GALNT11: variants seen among roughly 807,000 people sequenced by gnomAD.
GALNT11 encodes the protein polypeptide N-acetylgalactosaminyltransferase 11, also known as UDP-GalNAc:polypeptide N-acetylgalactosaminyltransferase 11.
In GALNT11, 47 loss-of-function variants were observed where a neutral mutation model predicts 72.7. The observed-to-expected ratio is 0.65, with a 90% CI of 0.51 to 0.82. The LOEUF is 0.82. Among genes scored for constraint, GALNT11 ranks in the 40% least tolerant of loss-of-function variants. The pLI is 0.00. For missense variants in GALNT11, 677 were observed against 778.4 expected, an observed-to-expected ratio of 0.87 and a Z score of 1.55; for synonymous variants, 270 against 286.6, an observed-to-expected ratio of 0.94 and a Z score of 0.58.
At chr7:152,083,195 C>A (rs1025460006) in intron 1 of GALNT11, among the ~76,000 whole-genome samples, 4 of 152,040 alleles carry the variant, frequency 2.6e-5, no homozygotes, top group African/African-American at 9.7e-5. Flanking sequence ...AATCCAGTTT[C>A]TTTTCCTATA....
intron 1 of GALNT11, among the ~76,000 whole-genome samples, chr7:152,050,757 A>G (rs2083353324): frequency 6.6e-6 from 1 of 152,218 alleles, no homozygotes; most frequent in Non-Finnish European, 1.5e-5. Context: ...ATCCCAGAGC[A>G]GTTTAGCCCA....
At chr7:152,057,447 C>T (rs1191201728) in intron 1 of GALNT11, among the ~76,000 whole-genome samples, 1 of 151,730 alleles carries the variant, frequency 6.6e-6, no homozygotes, top group Non-Finnish European at 1.5e-5. Flanking sequence ...GCTGGGATTA[C>T]AGGCGCCTGC....
At chr7:152,028,702 C>T (rs1374982871) in intron 1 of GALNT11, among the ~76,000 whole-genome samples, 1 of 151,610 alleles carries the variant, frequency 6.6e-6, no homozygotes. Context: ...ACAGGACACC[C>T]CAACTGCTGT....
At chr7:152,068,103 T>G (rs61071348) in intron 1 of GALNT11, among the ~76,000 whole-genome samples, 7,512 of 152,172 alleles carry the variant, frequency 0.049, 634 homozygotes, top group African/African-American at 0.17. Context: ...CACTGGATCA[T>G]GTATCTGCCT....
intron 5 of GALNT11, 27 bp downstream of exon 5, chr7:152,105,397 A>G (rs768475686): frequency 6.2e-7 from 1 of 1,603,912 alleles, no homozygotes; most frequent in Non-Finnish European, 8.5e-7. Context: ...GCTTTGCTCT[A>G]CAGGTGTTGG....
At chr7:152,111,978 A>G (rs1302524460) in intron 7 of GALNT11, among the ~76,000 whole-genome samples, 1 of 152,172 alleles carries the variant, frequency 6.6e-6, no homozygotes, top group Non-Finnish European at 1.5e-5. Flanking sequence ...TCCACCTCGC[A>G]TTATCTGTCT....
At chr7:152,030,683 T>C (rs574047893) in intron 1 of GALNT11, among the ~76,000 whole-genome samples, 1 of 152,240 alleles carries the variant, frequency 6.6e-6, no homozygotes, top group Non-Finnish European at 1.5e-5. Context: ...TTTGTCTGTC[T>C]CTTCCTCTCT....
chr7:152,086,266 C>T (rs1038295297), intron 1 of GALNT11, among the ~76,000 whole-genome samples: 21 of 152,134 alleles, frequency 1.4e-4, no homozygotes, highest in African/African-American at 4.8e-4. Context: ...CTCAGGTGAT[C>T]TACCCACCTT....
At chr7:152,090,185 G>A (rs933002909) in intron 1 of GALNT11, among the ~76,000 whole-genome samples, 1 of 152,216 alleles carries the variant, frequency 6.6e-6, no homozygotes, top group African/African-American at 2.4e-5. Flanking sequence ...ACCCAGGAGT[G>A]ACCAGGGACA....
intron 1 of GALNT11, among the ~76,000 whole-genome samples, chr7:152,053,907 A>G (rs577112081): frequency 1.3e-5 from 2 of 152,230 alleles, no homozygotes; most frequent in Non-Finnish European, 2.9e-5. Flanking sequence ...TATACTTTGA[A>G]TGTAAGTATT....
intron 7 of GALNT11, among the ~76,000 whole-genome samples, chr7:152,112,273 G>T (rs145583122): frequency 6.6e-6 from 1 of 152,302 alleles, no homozygotes; most frequent in African/African-American, 2.4e-5. Flanking sequence ...GTCCATGGTG[G>T]CTCACGCCTA....
At chr7:152,069,595 T>C (rs145233270) in intron 1 of GALNT11, among the ~76,000 whole-genome samples, 114 of 152,342 alleles carry the variant, frequency 7.5e-4, no homozygotes, top group Middle Eastern at 6.8e-3. Flanking sequence ...TGCCTTCTTA[T>C]TTGAAGCATA....
At chr7:152,026,957 ATTT>A (rs2082046513) in intron 1 of GALNT11, among the ~76,000 whole-genome samples, 2 of 152,202 alleles carry the variant, frequency 1.3e-5, no homozygotes, top group Admixed American at 6.5e-5. Context: ...CTCTTTAAAA[ATTT>A]TTTTATTAGC....
chr7:152,075,249 T>C (rs1407793307), intron 1 of GALNT11: 1 of 152,262 alleles, frequency 6.6e-6, no homozygotes, highest in Non-Finnish European at 1.5e-5. Flanking sequence ...AGTTCTCTGA[T>C]CGTCCCAAAA....
chr7:152,052,724 G>T (rs1045871784), intron 1 of GALNT11, among the ~76,000 whole-genome samples: 1 of 152,112 alleles, frequency 6.6e-6, no homozygotes, highest in Non-Finnish European at 1.5e-5. Flanking sequence ...GTTCCCAGAG[G>T]TTCAGTTACT....
At chr7:152,106,093 GA>G (rs1384767823) in intron 5 of GALNT11, among the ~76,000 whole-genome samples, 1 of 152,124 alleles carries the variant, frequency 6.6e-6, no homozygotes, top group Non-Finnish European at 1.5e-5. Flanking sequence ...TTTCATTTAT[GA>G]CTGTAATTAA....
At chr7:152,035,001 T>C (rs1351084203) in intron 1 of GALNT11, among the ~76,000 whole-genome samples, 1 of 152,200 alleles carries the variant, frequency 6.6e-6, no homozygotes, top group Non-Finnish European at 1.5e-5. Flanking sequence ...AAAGATGTTA[T>C]GCCCCAAAAA....
chr7:152,029,430 G>A (rs1162562614), intron 1 of GALNT11, among the ~76,000 whole-genome samples: 1 of 152,152 alleles, frequency 6.6e-6, no homozygotes, highest in Non-Finnish European at 1.5e-5. Context: ...TGAGCTTTGA[G>A]GGGTACTGAT....
intron 8 of GALNT11, among the ~76,000 whole-genome samples, chr7:152,113,836 A>C (rs1183096132): frequency 6.9e-6 from 1 of 145,074 alleles, no homozygotes; most frequent in Admixed American, 7.1e-5. Context: ...TCCTGGGCTC[A>C]AGTGATCCTA....
Sources: gnomAD v4.1 joint callset for allele counts (sites outside exome capture counted in the v4.1 genomes callset) on GRCh38, gnomAD v4.1.1 for gene constraint, MANE v1.5 for transcripts, NCBI Gene and HGNC (gene_info 2026-07-23, HGNC 2026-07-21) for gene names.